SEMA5A: variants seen among roughly 807,000 people sequenced by gnomAD.
SEMA5A encodes semaphorin 5A, also known as semaphorin-5A.
A neutral mutation model predicts 135.5 loss-of-function variants in SEMA5A; 55 were observed. The observed-to-expected ratio is 0.41, with a 90% CI of 0.33 to 0.51. The LOEUF is 0.51. Among genes scored for constraint, SEMA5A ranks in the 20% least tolerant of loss-of-function variants. The pLI is 0.37. For synonymous variants in SEMA5A, 580 were observed against 546.5 expected (o/e 1.06, Z -0.85); for missense variants, 1,290 against 1,419.9 (o/e 0.91, Z 1.47).
intron 4 of SEMA5A, among the ~76,000 whole-genome samples, chr5:9,323,904 C>T (rs1245436669): frequency 1.3e-5 from 2 of 151,828 alleles, no homozygotes; most frequent in Non-Finnish European, 2.9e-5. Flanking sequence ...TCAAGTGATC[C>T]TCCCAAAGTG....
intron 4 of SEMA5A, among the ~76,000 whole-genome samples, chr5:9,330,653 G>T (rs1011037564): frequency 2.0e-5 from 3 of 152,108 alleles, no homozygotes; most frequent in African/African-American, 7.2e-5. Context: ...AGGTAACAAA[G>T]CCAGCAGACA....
At chr5:9,357,819 T>C (rs377470658) in intron 3 of SEMA5A, among the ~76,000 whole-genome samples, 1 of 152,216 alleles carries the variant, frequency 6.6e-6, no homozygotes, top group African/African-American at 2.4e-5. Flanking sequence ...TCTGAAGATA[T>C]ATAAGGCAAA....
intron 16 of SEMA5A, among the ~76,000 whole-genome samples, chr5:9,068,201 C>T (rs1737579601): frequency 6.6e-6 from 1 of 152,132 alleles, no homozygotes; most frequent in Non-Finnish European, 1.5e-5. Context: ...TCTGAACAGT[C>T]TTTGTTTTCT....
intron 1 of SEMA5A, among the ~76,000 whole-genome samples, chr5:9,492,075 G>T (rs1735041213): frequency 6.6e-6 from 1 of 152,206 alleles, no homozygotes; most frequent in South Asian, 2.1e-4. Context: ...TTAAATGCCT[G>T]CTGTGTATGA....
intron 6 of SEMA5A, among the ~76,000 whole-genome samples, chr5:9,235,829 G>A (rs1345228041): frequency 6.6e-6 from 1 of 152,186 alleles, no homozygotes; most frequent in Non-Finnish European, 1.5e-5. Flanking sequence ...AAAAGCAAGA[G>A]GGAGAGCTAG....
At chr5:9,543,533 G>T (rs540656728) in intron 1 of SEMA5A, among the ~76,000 whole-genome samples, 1 of 152,126 alleles carries the variant, frequency 6.6e-6, no homozygotes, top group African/African-American at 2.4e-5. Context: ...CAGGGATCTC[G>T]CAGCTGTTTG....
chr5:9,175,230 C>T (rs937083586), intron 11 of SEMA5A, among the ~76,000 whole-genome samples: 1 of 152,120 alleles, frequency 6.6e-6, no homozygotes, highest in Non-Finnish European at 1.5e-5. Context: ...AGTGGATACT[C>T]TTTTCTTGCA....
At chr5:9,442,891 C>T (rs902199186) in intron 1 of SEMA5A, among the ~76,000 whole-genome samples, 1 of 152,068 alleles carries the variant, frequency 6.6e-6, no homozygotes, top group Non-Finnish European at 1.5e-5. Context: ...AACTAAATGA[C>T]GAAAATCAGA....
intron 11 of SEMA5A, among the ~76,000 whole-genome samples, chr5:9,183,821 G>T (rs894368614): frequency 1.3e-5 from 2 of 152,208 alleles, no homozygotes; most frequent in Admixed American, 6.5e-5. Context: ...AGCAGCCAAG[G>T]TTGTCTGTTT....
At chr5:9,522,228 G>C (rs1736873083) in intron 1 of SEMA5A, among the ~76,000 whole-genome samples, 1 of 152,178 alleles carries the variant, frequency 6.6e-6, no homozygotes, top group Non-Finnish European at 1.5e-5. Context: ...CTTGGAAGCA[G>C]TCAGCCTGCA....
intron 1 of SEMA5A, among the ~76,000 whole-genome samples, chr5:9,532,357 C>T (rs1737494773): frequency 6.6e-6 from 1 of 150,822 alleles, no homozygotes; most frequent in African/African-American, 2.4e-5. Context: ...CCTCCGCTTC[C>T]TGGGTTCAAG....
At chr5:9,333,095 T>G (rs1753229407) in intron 4 of SEMA5A, among the ~76,000 whole-genome samples, 1 of 152,164 alleles carries the variant, frequency 6.6e-6, no homozygotes, top group Non-Finnish European at 1.5e-5. Flanking sequence ...GAAAATAACT[T>G]AAAGACCAAG....
At chr5:9,330,825 G>A (rs1753099774) in intron 4 of SEMA5A, among the ~76,000 whole-genome samples, 1 of 152,160 alleles carries the variant, frequency 6.6e-6, no homozygotes, top group African/African-American at 2.4e-5. Context: ...CAGAGAAGGG[G>A]AAACCTTTAA....
intron 1 of SEMA5A, among the ~76,000 whole-genome samples, chr5:9,512,634 G>T (rs1401603217): frequency 6.6e-6 from 1 of 152,082 alleles, no homozygotes; most frequent in Non-Finnish European, 1.5e-5. Flanking sequence ...CTGCTGCACG[G>T]TGTTGAGTAT....
At chr5:9,351,801 A>G (rs1022147690) in intron 3 of SEMA5A, among the ~76,000 whole-genome samples, 2 of 152,194 alleles carry the variant, frequency 1.3e-5, no homozygotes, top group Non-Finnish European at 2.9e-5. Flanking sequence ...CATATGGACT[A>G]GCTAAAAACT....
chr5:9,384,611 G>C (rs7701250), intron 2 of SEMA5A, among the ~76,000 whole-genome samples: 7,608 of 72,224 alleles, frequency 0.11, 566 homozygotes, highest in South Asian at 0.14. Flanking sequence ...TAGATAGATA[G>C]ATAGATACAT....
chr5:9,252,240 C>T (rs1249050906), intron 5 of SEMA5A, among the ~76,000 whole-genome samples: 1 of 152,190 alleles, frequency 6.6e-6, no homozygotes. Flanking sequence ...CACATCTTCA[C>T]TACTGAGATT....
chr5:9,093,892 GCA>G (rs1285964271), intron 16 of SEMA5A, among the ~76,000 whole-genome samples: 1 of 152,082 alleles, frequency 6.6e-6, no homozygotes, highest in Non-Finnish European at 1.5e-5. Context: ...TTCACAGCCT[GCA>G]CACAGAGACT....
chr5:9,275,763 G>A (rs1694290213), intron 5 of SEMA5A, among the ~76,000 whole-genome samples: 1 of 152,102 alleles, frequency 6.6e-6, no homozygotes, highest in South Asian at 2.1e-4. Flanking sequence ...TACAGAAAAG[G>A]CCTTCAACAA....
Sources: allele counts gnomAD v4.1 joint callset (sites outside exome capture counted in the v4.1 genomes callset), GRCh38; gene constraint gnomAD v4.1.1; transcripts MANE v1.5; gene names NCBI Gene and HGNC (gene_info 2026-07-23, HGNC 2026-07-21).